The following CLSTN3 variants were observed in gnomAD, a reference collection of about 807,000 sequenced individuals.
The protein encoded by CLSTN3 is calsyntenin 3, also known as calsyntenin-3.
CLSTN3 carries 36 observed loss-of-function variants against 95.9 expected under a neutral mutation model. The observed-to-expected ratio is 0.38, with a 90% CI of 0.29 to 0.50. The LOEUF (loss-of-function observed/expected upper bound fraction) is 0.50, where lower values mean the gene tolerates loss of function less well. CLSTN3 is among the 20% of genes least tolerant of loss of function. The probability of loss-of-function intolerance (pLI) is 0.95; values close to 1 mark genes in which losing one functional copy is unlikely to be tolerated. For synonymous variants in CLSTN3, 481 were observed against 504.0 expected (o/e 0.95, Z 0.61); for missense variants, 1,084 against 1,268.8 (o/e 0.85, Z 2.21).
chr12:7,157,929 C>T lies in CLSTN3; in HGVS notation c.2731-12C>T. The T allele has an allele frequency of 6.5e-7, 1 of 1,550,260 alleles. No individual in the cohort carries two copies. Among genetic ancestry groups the T allele is most frequent in the Non-Finnish European group, 8.7e-7 (1 of 1,146,906 alleles). ...CCATTGATCCCTTCTCCTCTCTGTT[C>T]CTGCCCTCCAGTCCTACCAGAATCG... On this transcript the variant is annotated splice_polypyrimidine_tract_variant and intron_variant, in intron 17 of 17. Coordinates refer to ENST00000266546, the MANE Select transcript of CLSTN3 (RefSeq NM_014718.4). This position sits in a 1 kb window ranked among gnomAD's most constrained non-coding sequence, Gnocchi z 5.9.
chr12:7,157,949 G>C lies in CLSTN3; in HGVS notation c.2739G>C (p.Gln913His). 1 of 1,551,148 alleles carries C rather than the reference G, an allele frequency of 6.4e-7. No individual in the cohort carries two copies. Among genetic ancestry groups the C allele is most frequent in the Middle Eastern group, 1.7e-4 (1 of 5,972 alleles). Residue 913 changes from glutamine to histidine, a missense_variant, in exon 18 of 18, where the codon CAG becomes CAC. Transcript: ENST00000266546. The surrounding 1 kb of genome is among the most constrained non-coding windows in gnomAD (Gnocchi z 5.9). ...TIIVNPMESY[Q>H]NRQSCVTGAV... ...CTGTTCCTGCCCTCCAGTCCTACCA[G>C]AATCGGCAGTCCTGTGTGACGGGGG... is the stretch of plus-strand genomic sequence containing the variant.
Position 7,143,157 on chromosome 12 carries a change from G to C in CLSTN3, c.1699-6G>C. ...GCTCTCAGCTGTATCTGTGTCTGGG[G>C]CCCAGGTCCACGTGAACCCCTCACA... On this transcript the variant is annotated splice_polypyrimidine_tract_variant and splice_region_variant and intron_variant, in intron 11 of 17. Transcript: ENST00000266546. The C allele has an allele frequency of 6.2e-7, 1 of 1,612,082 alleles. No individual in the cohort carries two copies. The highest frequency in any genetic ancestry group is 1.7e-5 in the Admixed American group (1 of 59,896).
chr12:7,152,389 C>T (rs1939738864), intron 16 of CLSTN3, among the ~76,000 whole-genome samples: 1 of 152,160 alleles, frequency 6.6e-6, no homozygotes, highest in Non-Finnish European at 1.5e-5. Flanking sequence ...GCTTTTGACC[C>T]TGTTCAGTGT....
At chr12:7,140,433 G>T (rs931149377) in intron 8 of CLSTN3, among the ~76,000 whole-genome samples, 8 of 152,132 alleles carry the variant, frequency 5.3e-5, no homozygotes, top group African/African-American at 1.9e-4. Context: ...AACAGATGAG[G>T]TGACTTCTAG....
chr12:7,135,304 C>T (rs1311896213), intron 3 of CLSTN3, 23 bp from the exon 4 acceptor site: 3 of 1,610,944 alleles, frequency 1.9e-6, no homozygotes, highest in Non-Finnish European at 2.5e-6. Context: ...GTCTTCATCC[C>T]TCCTTCTCTC....
At chr12:7,131,283 A>C (rs1021534839) in intron 1 of CLSTN3, 1 of 211,374 alleles carries the variant, frequency 4.7e-6, no homozygotes, top group Non-Finnish European at 9.7e-6. Context: ...CAGCGGATAC[A>C]TTCAGCTGGG....
At chr12:7,132,887 C>A (rs1939332298) in intron 1 of CLSTN3, 137 bp from the exon 2 acceptor site, 2 of 1,180,366 alleles carry the variant, frequency 1.7e-6, no homozygotes, top group Non-Finnish European at 2.5e-6. Flanking sequence ...AACCACCCGC[C>A]TCCTGTAAGG....
At position 7,157,501 on chromosome 12, in the gene CLSTN3, C is replaced by T. The variant is rs373197383; in HGVS notation, c.2540C>T (p.Ala847Val). Reference protein sequence around the residue: ...SSHRNSMIPSAATLIIVVCVG... With the variant: ...SSHRNSMIPSVATLIIVVCVG... ...GCTCTCTCTGCAGTGATACCCAGCG[C>T]CGCAACCCTCATCATTGTGGTGTGC... is the stretch of plus-strand genomic sequence containing the variant. The change falls in exon 17 of 18, where the codon GCC (alanine) becomes GTC (valine). Residue 847 changes from alanine (A) to valine (V), a missense_variant. Coordinates refer to ENST00000266546, the MANE Select transcript of CLSTN3 (RefSeq NM_014718.4). This position sits in a 1 kb window ranked among gnomAD's most constrained non-coding sequence, Gnocchi z 5.9. 14 of 1,586,392 alleles carry T rather than the reference C, an allele frequency of 8.8e-6. No individual in the cohort carries two copies. The highest frequency in any genetic ancestry group is 1.3e-5 in the African/African-American group (1 of 74,256).
In CLSTN3 at chr12:7,157,361, T is replaced by C. The variant is rs192973523; in HGVS notation, c.2528-128T>C. On this transcript the variant is annotated intron_variant, in intron 16 of 17. Coordinates refer to ENST00000266546, the MANE Select transcript of CLSTN3 (RefSeq NM_014718.4). The surrounding 1 kb of genome is among the most constrained non-coding windows in gnomAD (Gnocchi z 5.9). The stretch of plus-strand genomic sequence containing the variant: ...GGCTTCTCCAGGTGTTCCTCTCTTC[T>C]CGGCCACCGTGTGTTCTGCCCTGGG... 8.6e-5 allele frequency: 65 copies of C among 756,224 alleles called. No homozygotes were observed. The East Asian group carries it at 1.7e-3, about 20-fold the overall frequency. The allele number at this position is 756,224 out of a possible 1,614,324, so 46.8% of individuals were successfully genotyped here.
chr12:7,156,586 T>C, intron 16 of CLSTN3: 1 of 456,714 alleles, frequency 2.2e-6, no homozygotes, highest in Non-Finnish European at 4.4e-6. Flanking sequence ...GCATGCAGGC[T>C]GGCAAAGGCC....
Position 7,131,235 on chromosome 12 carries a change from C to T in CLSTN3, c.64+523C>T, listed in dbSNP as rs772298111. 6 of 221,538 alleles carry T rather than the reference C, an allele frequency of 2.7e-5. No individual in the cohort carries two copies. In the Admixed American group the frequency reaches 3.1e-4, roughly 12 times the overall value. The allele number at this position is 221,538 out of a possible 1,614,324, so 13.7% of individuals were successfully genotyped here. ...ATTCAGACCCTTTTGCCTGCATCAG[C>T]TGGGCTGTGGGTTACCAGAGCTGCC... On this transcript the variant is annotated intron_variant, in intron 1 of 17. Coordinates refer to ENST00000266546, the MANE Select transcript of CLSTN3 (RefSeq NM_014718.4).
intron 16 of CLSTN3, chr12:7,156,871 G>A (rs756088345): frequency 5.7e-5 from 26 of 455,416 alleles, no homozygotes; most frequent in African/African-American, 2.6e-4. Flanking sequence ...AACCCCAGAC[G>A]TCCCGGAGCC....
In CLSTN3 at chr12:7,150,752, G is replaced by A; in HGVS notation, c.2391+63G>A. The A allele has an allele frequency of 6.3e-7, 1 of 1,591,810 alleles. No individual in the cohort carries two copies. Among genetic ancestry groups the A allele is most frequent in the South Asian group, 1.1e-5 (1 of 89,174 alleles). On this transcript the variant is annotated intron_variant, in intron 15 of 17. Transcript: ENST00000266546. This position sits in a 1 kb window ranked among gnomAD's most constrained non-coding sequence, Gnocchi z 4.0. ...CCCCAGAAAGGAGCTGAGGTGGCAT[G>A]GACTCAAAATGTTAGTTGGTGGGCA... is the stretch of plus-strand genomic sequence containing the variant.
chr12:7,149,662 C>A lies in CLSTN3; in HGVS notation c.2214C>A (p.Leu738=), dbSNP rs1407259781. The A allele has an allele frequency of 6.2e-7, 1 of 1,614,086 alleles. No individual in the cohort carries two copies. The highest frequency in any genetic ancestry group is 1.1e-5 in the South Asian group (1 of 91,056). Residue 738 remains leucine (L), a synonymous_variant, in exon 14 of 18, where the codon CTC becomes CTA. Transcript: ENST00000266546. The surrounding 1 kb of genome is among the most constrained non-coding windows in gnomAD (Gnocchi z 4.5). Reference sequence around the variant, plus strand: ...CTCTGCAGCAGCGGGGGCTGGAGCTCACCAACACATCTGCCTACCTCACTA... The same window carrying A: ...CTCTGCAGCAGCGGGGGCTGGAGCTAACCAACACATCTGCCTACCTCACTA... ...TTSLQQRGLE[L]TNTSAYLTIA... is the part of the protein sequence containing the mutation.
intron 5 of CLSTN3, 117 bp from the exon 6 acceptor site, chr12:7,136,089 C>T: frequency 4.7e-6 from 7 of 1,492,428 alleles, no homozygotes; most frequent in East Asian, 2.3e-5. Context: ...TCTACTCTAG[C>T]CGGGCCATCC....
At chr12:7,147,218 G>A (rs1042624479) in intron 12 of CLSTN3, among the ~76,000 whole-genome samples, 1 of 151,602 alleles carries the variant, frequency 6.6e-6, no homozygotes, top group East Asian at 2.0e-4. Flanking sequence ...GCCCCAAATG[G>A]TGCCTGTGGT....
chr12:7,142,077 T>TA lies in CLSTN3; in HGVS notation c.1487-8dup, dbSNP rs750787312. On this transcript the variant is annotated splice_polypyrimidine_tract_variant and intron_variant, in intron 9 of 17. Transcript: ENST00000266546. Reference sequence around the variant, plus strand: ...ACCAGCACTGTTTTTTTTTTTTTTTTATCCCCAGAGGAGAAGAACAAAGAG... The same window carrying TA: ...ACCAGCACTGTTTTTTTTTTTTTTTTAATCCCCAGAGGAGAAGAACAAAGAG... 90 of 1,519,638 alleles carry TA rather than the reference T, an allele frequency of 5.9e-5. No homozygotes were observed. Among genetic ancestry groups the TA allele is most frequent in the Non-Finnish European group, 7.7e-5 (87 of 1,127,788 alleles). 94.1% of individuals were successfully genotyped at this position (1,519,638 alleles called of 1,614,324 possible).
chr12:7,150,457 C>T lies in CLSTN3; in HGVS notation c.2246-87C>T, dbSNP rs1269555191. 12 of 1,474,836 alleles carry T rather than the reference C, an allele frequency of 8.1e-6. No individual in the cohort carries two copies. The Admixed American group carries it at 1.4e-4, about 17-fold the overall frequency. The allele number at this position is 1,474,836 out of a possible 1,614,324, so 91.4% of individuals were successfully genotyped here. ...CTGACCTGCTCTACAGCTTGTGTGG[C>T]GTCAGCTGGTGGGAGTCCAGGAGAG... On this transcript the variant is annotated intron_variant, in intron 14 of 17. Transcript: ENST00000266546. The surrounding 1 kb of genome is among the most constrained non-coding windows in gnomAD (Gnocchi z 4.0).
chr12:7,156,790 G>C (rs950115560), intron 16 of CLSTN3: 1 of 456,156 alleles, frequency 2.2e-6, no homozygotes, highest in Non-Finnish European at 4.4e-6. Flanking sequence ...AAGTGGGGCT[G>C]CAGGGCCAGA....
Sources: allele counts gnomAD v4.1 joint callset (sites outside exome capture counted in the v4.1 genomes callset), GRCh38; gene constraint gnomAD v4.1.1; non-coding constraint Gnocchi (gnomAD v3.1); transcripts MANE v1.5; gene names NCBI Gene and HGNC (gene_info 2026-07-23, HGNC 2026-07-21).